The following MMP26 variants were observed in gnomAD, a reference collection of about 807,000 sequenced individuals.
The protein encoded by MMP26 is matrix metalloproteinase-26.
MMP26 carries 33 observed loss-of-function variants against 31.0 expected under a neutral mutation model. The observed-to-expected ratio is 1.06, with a 90% CI of 0.81 to 1.42. The LOEUF (loss-of-function observed/expected upper bound fraction) is 1.42. MMP26 is among the 40% of genes most tolerant of loss of function. The pLI is 0.00. For synonymous variants in MMP26, 122 were observed against 114.9 expected (o/e 1.06, Z -0.40); for missense variants, 347 against 316.1 (o/e 1.10, Z -0.74).
chr11:4,807,061 A>AAAAT (rs1334326056), intron 2 of MMP26, among the ~76,000 whole-genome samples: 28 of 152,206 alleles, frequency 1.8e-4, no homozygotes, highest in African/African-American at 6.8e-4. Context: ...TAAAATTTAA[A>AAAAT]AAATAAATAA....
intron 2 of MMP26, among the ~76,000 whole-genome samples, chr11:4,940,878 C>A (rs1017977291): frequency 1.3e-5 from 2 of 152,082 alleles, no homozygotes; most frequent in Non-Finnish European, 2.9e-5. Flanking sequence ...TTTAGCGTCC[C>A]AAGTTCCAAA....
Position 4,848,497 on chromosome 11 carries a change from T to G in MMP26, c.-145+81156T>G, listed in dbSNP as rs765015135. On this transcript the variant is annotated intron_variant, in intron 2 of 7. Transcript: ENST00000380390. ...TGACCAGCCTTCCAGCGATCCTCTC[T>G]GGACTCCACACCTTGCAACACCTTG... is the stretch of plus-strand genomic sequence containing the variant. The G allele has an allele frequency of 4.3e-6, 7 of 1,613,730 alleles. No homozygotes were observed. The South Asian group carries it at 7.7e-5, about 18-fold the overall frequency.
intron 2 of MMP26, among the ~76,000 whole-genome samples, chr11:4,863,950 G>A (rs920120875): frequency 6.6e-6 from 1 of 152,122 alleles, no homozygotes; most frequent in Non-Finnish European, 1.5e-5. Flanking sequence ...GCACACAAAT[G>A]CATGTGTATG....
intron 2 of MMP26, among the ~76,000 whole-genome samples, chr11:4,796,969 C>T (rs969770809): frequency 6.6e-6 from 1 of 151,732 alleles, no homozygotes; most frequent in Admixed American, 6.6e-5. Context: ...TGAGAGTGAG[C>T]GCTCCCAGAG....
chr11:4,875,988 A>G (rs1202385429), intron 2 of MMP26: 1 of 152,088 alleles, frequency 6.6e-6, no homozygotes, highest in Non-Finnish European at 1.5e-5. Context: ...CCTCCATCCT[A>G]CATCATACGA....
chr11:4,873,903 A>C (rs1329827998), intron 2 of MMP26, among the ~76,000 whole-genome samples: 1 of 152,078 alleles, frequency 6.6e-6, no homozygotes, highest in Non-Finnish European at 1.5e-5. Context: ...TTTATTTTTA[A>C]AGCGAATTTT....
At chr11:4,929,777 T>C (rs573470869) in intron 2 of MMP26, among the ~76,000 whole-genome samples, 4 of 152,104 alleles carry the variant, frequency 2.6e-5, no homozygotes, top group African/African-American at 7.2e-5. Context: ...TTCTAATTCA[T>C]TATGCAAAGT....
chr11:4,731,207 G>A (rs1264137083), intron 1 of MMP26, among the ~76,000 whole-genome samples: 1 of 152,124 alleles, frequency 6.6e-6, no homozygotes, highest in African/African-American at 2.4e-5. Context: ...CCAAAGTGCT[G>A]AGATTACAGG....
intron 2 of MMP26, chr11:4,830,270 C>T (rs954233716): frequency 6.6e-6 from 1 of 152,034 alleles, no homozygotes; most frequent in Non-Finnish European, 1.5e-5. Context: ...ATTGAATTTC[C>T]TTAGGATGGT....
chr11:4,788,182 C>T (rs1848974382), intron 2 of MMP26, among the ~76,000 whole-genome samples: 1 of 152,114 alleles, frequency 6.6e-6, no homozygotes, highest in Non-Finnish European at 1.5e-5. Flanking sequence ...TGACCCTATT[C>T]CTCTTCAATC....
intron 2 of MMP26, among the ~76,000 whole-genome samples, chr11:4,778,886 T>A (rs543188819): frequency 8.6e-5 from 13 of 152,010 alleles, no homozygotes; most frequent in Non-Finnish European, 1.3e-4. Context: ...TGTTATTGAT[T>A]TATAGACATA....
At position 4,992,383 on chromosome 11, in the gene MMP26, C is replaced by T. The variant is rs1004436673; in HGVS notation, c.*141C>T. 4.2e-6 allele frequency: 3 copies of T among 709,182 alleles called. No homozygotes were observed. The highest frequency in any genetic ancestry group is 5.8e-5 in the Admixed American group (2 of 34,404). The allele number at this position is 709,182 out of a possible 1,614,324, so 43.9% of individuals were successfully genotyped here. On this transcript the variant is annotated 3_prime_UTR_variant, in exon 8 of 8. Coordinates refer to ENST00000380390, the MANE Select transcript of MMP26 (RefSeq NM_021801.5). ...AACCTAGTCAGGTTAGCTGAACCGA[C>T]ACTCAAAACGCTACTGAGTCACAAT... is the stretch of plus-strand genomic sequence containing the variant.
chr11:4,908,070 T>A lies in MMP26; in HGVS notation c.-144-79998T>A, dbSNP rs145293740. ...AGCATTGCATCTTTGGCAGAGAGGC[T>A]TAAGGCCCTAAATACCTGTGTCTCC... is the stretch of plus-strand genomic sequence containing the variant. On this transcript the variant is annotated intron_variant, in intron 2 of 7. Coordinates refer to ENST00000380390, the MANE Select transcript of MMP26 (RefSeq NM_021801.5). 21 of 1,614,054 alleles carry A rather than the reference T, an allele frequency of 1.3e-5. No individual in the cohort carries two copies. The African/African-American group carries it at 2.7e-4, about 21-fold the overall frequency.
chr11:4,905,828 T>C (rs935482769), intron 2 of MMP26, among the ~76,000 whole-genome samples: 23 of 152,130 alleles, frequency 1.5e-4, no homozygotes, highest in African/African-American at 5.6e-4. Context: ...GATTGCATAT[T>C]TTACTTCTGA....
intron 2 of MMP26, among the ~76,000 whole-genome samples, chr11:4,975,913 T>A (rs1345162311): frequency 6.6e-6 from 1 of 152,112 alleles, no homozygotes; most frequent in Non-Finnish European, 1.5e-5. Flanking sequence ...ATCTGAGTTT[T>A]AAATCCCTCC....
At chr11:4,944,144 C>T (rs201641996) in intron 2 of MMP26, 15 of 454,754 alleles carry the variant, frequency 3.3e-5, no homozygotes, top group Non-Finnish European at 5.3e-5. Flanking sequence ...CAGTTATGCA[C>T]CTCAAACATA....
At chr11:4,785,224 C>CA (rs1848921133) in intron 2 of MMP26, among the ~76,000 whole-genome samples, 1 of 152,144 alleles carries the variant, frequency 6.6e-6, no homozygotes, top group African/African-American at 2.4e-5. Context: ...AAAGAGCAGA[C>CA]AGTTGATCAC....
chr11:4,991,223 C>T (rs755926302), intron 5 of MMP26, 148 bp from the exon 6 acceptor site: 54 of 1,011,616 alleles, frequency 5.3e-5, no homozygotes, highest in Non-Finnish European at 7.4e-5. Context: ...CACCTTATTT[C>T]TCTGCATAGA....
chr11:4,824,334 T>C lies in MMP26; in HGVS notation c.-145+56993T>C, dbSNP rs376824144. 3.3e-5 allele frequency among the ~76,000 whole-genome samples: 5 copies of C among 152,096 alleles called. No individual in the cohort carries two copies. In the East Asian group the frequency reaches 7.7e-4, roughly 23 times the overall value. On this transcript the variant is annotated intron_variant, in intron 2 of 7. Coordinates refer to ENST00000380390, the MANE Select transcript of MMP26 (RefSeq NM_021801.5). ...AGGAAGACTATCATATATTGCAACA[T>C]ATCAGTGTGGGTCCCATCACTCTGA... is the stretch of plus-strand genomic sequence containing the variant.
Sources: gnomAD v4.1 joint callset for allele counts (sites outside exome capture counted in the v4.1 genomes callset) on GRCh38, gnomAD v4.1.1 for gene constraint, MANE v1.5 for transcripts, NCBI Gene and HGNC (gene_info 2026-07-23, HGNC 2026-07-21) for gene names.